C1orf185: variants seen among roughly 807,000 people sequenced by gnomAD.
C1orf185 encodes chromosome 1 open reading frame 185, also known as uncharacterized protein C1orf185.
A neutral mutation model predicts 16.1 loss-of-function variants in C1orf185; 13 were observed. That is an observed-to-expected ratio of 0.81 (90% CI 0.53 to 1.28). The LOEUF (loss-of-function observed/expected upper bound fraction) is 1.28, where lower values mean the gene tolerates loss of function less well. Ranked by LOEUF, C1orf185 falls within the 50% of genes most tolerant of loss-of-function variation. The pLI, the probability that C1orf185 is intolerant of heterozygous loss-of-function variation, is 0.00. For synonymous variants in C1orf185, 80 were observed against 76.9 expected, an observed-to-expected ratio of 1.04 and a Z score of -0.21; for missense variants, 220 against 225.2, an observed-to-expected ratio of 0.98 and a Z score of 0.15.
intron 1 of C1orf185, among the ~76,000 whole-genome samples, chr1:51,105,852 C>T (rs1274703735): frequency 6.6e-6 from 1 of 152,172 alleles, no homozygotes; most frequent in Non-Finnish European, 1.5e-5. Context: ...ATCACACAGT[C>T]AAGCCTTCTC....
chr1:51,103,800 G>C (rs1455581291), intron 1 of C1orf185, among the ~76,000 whole-genome samples: 1 of 151,984 alleles, frequency 6.6e-6, no homozygotes, highest in Non-Finnish European at 1.5e-5. Flanking sequence ...CTCCCAAACT[G>C]CTGGGATTAC....
intron 2 of C1orf185, among the ~76,000 whole-genome samples, chr1:51,115,395 T>G (rs1046959106): frequency 2.0e-5 from 3 of 152,216 alleles, no homozygotes; most frequent in Non-Finnish European, 4.4e-5. Context: ...CCATAGTTCA[T>G]TGTTTTATTG....
intron 3 of C1orf185, among the ~76,000 whole-genome samples, chr1:51,143,741 C>T (rs188133992): frequency 2.0e-5 from 3 of 152,252 alleles, no homozygotes; most frequent in African/African-American, 7.2e-5. Flanking sequence ...CGGCTCACTG[C>T]ACGCATGACT....
chr1:51,127,073 T>G (rs1347477514), intron 3 of C1orf185, among the ~76,000 whole-genome samples: 1 of 152,266 alleles, frequency 6.6e-6, no homozygotes, highest in Non-Finnish European at 1.5e-5. Context: ...AAATATTTTA[T>G]TGATACAATT....
intron 1 of C1orf185, among the ~76,000 whole-genome samples, chr1:51,106,361 C>T (rs1253601143): frequency 1.3e-5 from 2 of 151,984 alleles, no homozygotes; most frequent in African/African-American, 2.4e-5. Context: ...TTTGCTATCT[C>T]TCTCCCTATC....
chr1:51,102,274 C>A (rs937508698), intron 1 of C1orf185, 25 bp downstream of exon 1: 3 of 712,322 alleles, frequency 4.2e-6, no homozygotes, highest in Non-Finnish European at 7.9e-6. Flanking sequence ...GTCATGTAGT[C>A]TAGCTTTTTG....
Position 51,147,958 on chromosome 1 carries a change from A to G in C1orf185, c.*187A>G, listed in dbSNP as rs1267426391. On this transcript the variant is annotated 3_prime_UTR_variant, in exon 5 of 5. Coordinates refer to ENST00000371759, the MANE Select transcript of C1orf185 (RefSeq NM_001136508.2). ...TTGTTCTTTACCATAGAGCGGCTCT[A>G]CTTCCCTTGCTGGTTCTTATTTCTA... 1 of 498,438 alleles carries G rather than the reference A, an allele frequency of 2.0e-6. No homozygotes were observed. Among genetic ancestry groups the G allele is most frequent in the East Asian group, 3.2e-5 (1 of 30,928 alleles). The allele number at this position is 498,438 out of a possible 1,614,324, so 30.9% of individuals were successfully genotyped here. A position where few individuals can be genotyped will look rare whatever the true frequency, so the allele number is the denominator to read the frequency against.
chr1:51,113,742 A>C (rs1453574667), intron 2 of C1orf185, among the ~76,000 whole-genome samples: 1 of 152,182 alleles, frequency 6.6e-6, no homozygotes, highest in Non-Finnish European at 1.5e-5. Context: ...CTAATGTTTA[A>C]AATATATAAA....
At chr1:51,139,721 A>G (rs1020729215) in intron 3 of C1orf185, among the ~76,000 whole-genome samples, 1 of 152,154 alleles carries the variant, frequency 6.6e-6, no homozygotes. Flanking sequence ...TTCATTTTTT[A>G]AAACTTGTAC....
chr1:51,118,805 G>T lies in C1orf185; in HGVS notation c.258+4G>T. ...TACTGGGAGATTCCAATTACAGGTA[G>T]GGTGTAATATTTTATAGTAATCTTT... On this transcript the variant is annotated splice_donor_region_variant and intron_variant, in intron 3 of 4. Coordinates refer to ENST00000371759, the MANE Select transcript of C1orf185 (RefSeq NM_001136508.2). 7.0e-7 allele frequency: 1 copy of T among 1,436,302 alleles called. No homozygotes were observed. Among genetic ancestry groups the T allele is most frequent in the South Asian group, 1.5e-5 (1 of 64,620 alleles). The allele number at this position is 1,436,302 out of a possible 1,614,324, so 89.0% of individuals were successfully genotyped here. A position where few individuals can be genotyped will look rare whatever the true frequency, so the allele number is the denominator to read the frequency against.
At chr1:51,136,732 A>G (rs1300728178) in intron 3 of C1orf185, among the ~76,000 whole-genome samples, 1 of 152,174 alleles carries the variant, frequency 6.6e-6, no homozygotes, top group Non-Finnish European at 1.5e-5. Context: ...CCCCTTCCTT[A>G]TATCATGTAC....
downstream of C1orf185, among the ~76,000 whole-genome samples, chr1:51,151,014 T>C (rs1157686124): frequency 6.6e-6 from 1 of 152,212 alleles, no homozygotes; most frequent in Admixed American, 6.5e-5. Context: ...GTTTGGAACA[T>C]AGGCAATCTG....
intron 3 of C1orf185, among the ~76,000 whole-genome samples, chr1:51,120,735 TG>T: frequency 6.6e-6 from 1 of 152,330 alleles, no homozygotes; most frequent in Middle Eastern, 3.4e-3. Flanking sequence ...TACTTAACGA[TG>T]TATAGACACT....
intron 1 of C1orf185, 71 bp from the exon 2 acceptor site, chr1:51,112,393 T>A: frequency 8.0e-7 from 1 of 1,246,656 alleles, no homozygotes; most frequent in Non-Finnish European, 1.1e-6. Flanking sequence ...TCATTTGAAG[T>A]TTATCATTCA....
At chr1:51,107,270 C>G (rs532417937) in intron 1 of C1orf185, 2 of 152,114 alleles carry the variant, frequency 1.3e-5, no homozygotes, top group Admixed American at 1.3e-4. Context: ...CAGTCAGTTG[C>G]AGATCGAACT....
chr1:51,151,834 G>A (rs757132090), downstream of C1orf185, among the ~76,000 whole-genome samples: 64 of 151,706 alleles, frequency 4.2e-4, no homozygotes, highest in Middle Eastern at 3.2e-3. Flanking sequence ...GATTACAGGC[G>A]CCCACCACCA....
intron 3 of C1orf185, among the ~76,000 whole-genome samples, chr1:51,119,418 G>A (rs938554694): frequency 3.3e-5 from 5 of 152,196 alleles, no homozygotes; most frequent in African/African-American, 1.2e-4. Context: ...GATAAATAGT[G>A]ACAAACTGAT....
At chr1:51,144,519 C>T (rs61252601) in intron 3 of C1orf185, among the ~76,000 whole-genome samples, 1,898 of 152,178 alleles carry the variant, frequency 0.012, 41 homozygotes, top group African/African-American at 0.044. Flanking sequence ...TGAGACCAGC[C>T]TTGGGAACAA....
chr1:51,130,038 T>G (rs987275151), intron 3 of C1orf185, among the ~76,000 whole-genome samples: 3 of 152,204 alleles, frequency 2.0e-5, no homozygotes, highest in Non-Finnish European at 2.9e-5. Context: ...TAACATTGTG[T>G]GTTATACTAA....
Sources: gnomAD v4.1 joint callset for allele counts (sites outside exome capture counted in the v4.1 genomes callset) on GRCh38, gnomAD v4.1.1 for gene constraint, MANE v1.5 for transcripts, NCBI Gene and HGNC (gene_info 2026-07-23, HGNC 2026-07-21) for gene names.